LPP: variants seen among roughly 807,000 people sequenced by gnomAD.
LPP encodes the protein lipoma-preferred partner.
In LPP, 38 loss-of-function variants were observed where a neutral mutation model predicts 60.4. That is an observed-to-expected ratio of 0.63 (90% CI 0.49 to 0.83). LPP has a LOEUF of 0.83. Among genes scored for constraint, LPP ranks in the 40% least tolerant of loss-of-function variants. The pLI is 0.00. For missense variants in LPP, 902 were observed against 783.6 expected (o/e 1.15, Z -1.80); for synonymous variants, 328 against 290.8 (o/e 1.13, Z -1.30).
At chr3:188,604,213 T>C (rs1580324728) in intron 6 of LPP, among the ~76,000 whole-genome samples, 1 of 152,162 alleles carries the variant, frequency 6.6e-6, no homozygotes, top group African/African-American at 2.4e-5. Context: ...GCCTGTTACA[T>C]AGTAGACTTT....
chr3:188,648,266 T>C (rs1384422369), intron 7 of LPP, among the ~76,000 whole-genome samples: 2 of 152,078 alleles, frequency 1.3e-5, no homozygotes, highest in African/African-American at 4.8e-5. Context: ...ATAGGGATGG[T>C]GAATTCTTTT....
intron 7 of LPP, 24 bp from the exon 8 acceptor site, chr3:188,708,243 G>C (rs1401351502): frequency 1.9e-6 from 3 of 1,613,206 alleles, no homozygotes; most frequent in East Asian, 4.5e-5. Context: ...GCAATTAAAG[G>C]ACTGTGTGCT....
intron 3 of LPP, among the ~76,000 whole-genome samples, chr3:188,377,453 A>G (rs114243945): frequency 0.011 from 1,698 of 151,834 alleles, 27 homozygotes; most frequent in African/African-American, 0.037. Flanking sequence ...CATTTCATTC[A>G]TTTTGTCGTC....
At chr3:188,437,526 C>G (rs1047108848) in intron 4 of LPP, among the ~76,000 whole-genome samples, 11 of 152,202 alleles carry the variant, frequency 7.2e-5, no homozygotes, top group Admixed American at 4.6e-4. Context: ...AATTCTGTCT[C>G]TCTAACACAT....
intron 7 of LPP, among the ~76,000 whole-genome samples, chr3:188,636,270 T>C (rs1848731644): frequency 6.6e-6 from 1 of 152,186 alleles, no homozygotes; most frequent in African/African-American, 2.4e-5. Flanking sequence ...GGGAGTTCCC[T>C]TTCCTAACCA....
At chr3:188,618,074 T>C (rs1845181486) in intron 7 of LPP, among the ~76,000 whole-genome samples, 1 of 152,182 alleles carries the variant, frequency 6.6e-6, no homozygotes, top group South Asian at 2.1e-4. Context: ...GCACACACAG[T>C]GTTAGGAAGT....
chr3:188,621,580 A>G (rs1845806627), intron 7 of LPP, among the ~76,000 whole-genome samples: 1 of 152,092 alleles, frequency 6.6e-6, no homozygotes, highest in Non-Finnish European at 1.5e-5. Context: ...ATTTCCAGCT[A>G]TGTTCTTCAT....
intron 2 of LPP, among the ~76,000 whole-genome samples, chr3:188,296,348 G>A (rs1747876167): frequency 6.6e-6 from 1 of 152,172 alleles, no homozygotes; most frequent in Non-Finnish European, 1.5e-5. Context: ...GAATCCCAGA[G>A]GTTGGCCCCG....
In LPP at chr3:188,496,695, A is replaced by C. The variant is rs530082485; in HGVS notation, c.306+11991A>C. Among the ~76,000 whole-genome samples the C allele has an allele frequency of 3.9e-5, 6 of 152,314 alleles. No individual in the cohort carries two copies. The South Asian group carries it at 1.2e-3, about 32-fold the overall frequency. On this transcript the variant is annotated intron_variant, in intron 5 of 11. Transcript: ENST00000617246. ...CCTTTATATTCATTTTTAGTGAAGG[A>C]AACAAAACAGCAGTTGTCACTTTCC...
At chr3:188,590,965 G>T (rs2151090330) in intron 6 of LPP, among the ~76,000 whole-genome samples, 1 of 152,274 alleles carries the variant, frequency 6.6e-6, no homozygotes, top group Middle Eastern at 3.4e-3. Flanking sequence ...ACAAATCTAA[G>T]AAGTGTGTGA....
At chr3:188,825,722 T>TAC (rs1024816487) in intron 9 of LPP, among the ~76,000 whole-genome samples, 1 of 151,992 alleles carries the variant, frequency 6.6e-6, no homozygotes, top group African/African-American at 2.4e-5. Flanking sequence ...GAAAAAGACA[T>TAC]ACACACACAC....
intron 9 of LPP, among the ~76,000 whole-genome samples, chr3:188,806,071 A>G (rs1577677893): frequency 2.0e-5 from 3 of 151,880 alleles, no homozygotes; most frequent in Admixed American, 1.3e-4. Flanking sequence ...GAAGTGTTCT[A>G]TAGTTGTCAA....
At chr3:188,389,808 CAA>C (rs56398215) in intron 3 of LPP, among the ~76,000 whole-genome samples, 2 of 132,078 alleles carry the variant, frequency 1.5e-5, no homozygotes, top group Admixed American at 7.8e-5. Flanking sequence ...GACTCCGTCT[CAA>C]AAAAAAAAAG....
At chr3:188,645,051 G>T (rs1850849277) in intron 7 of LPP, among the ~76,000 whole-genome samples, 1 of 152,150 alleles carries the variant, frequency 6.6e-6, no homozygotes, top group Non-Finnish European at 1.5e-5. Context: ...AAGAGTAAAT[G>T]AGAAATACAT....
At chr3:188,557,854 A>G (rs1829840334) in intron 6 of LPP, among the ~76,000 whole-genome samples, 1 of 152,054 alleles carries the variant, frequency 6.6e-6, no homozygotes, top group South Asian at 2.1e-4. Context: ...AGAAGACACA[A>G]GAGTTGAGAG....
intron 2 of LPP, among the ~76,000 whole-genome samples, chr3:188,320,883 T>C (rs933281828): frequency 6.6e-6 from 1 of 152,134 alleles, no homozygotes; most frequent in Non-Finnish European, 1.5e-5. Flanking sequence ...CACAAAAAGT[T>C]TGAGGGTAAA....
chr3:188,158,035 C>A (rs894030849), intron 1 of LPP, among the ~76,000 whole-genome samples: 1 of 151,882 alleles, frequency 6.6e-6, no homozygotes, highest in African/African-American at 2.4e-5. Flanking sequence ...CGATAGGGGC[C>A]GTTAAGTGGT....
At chr3:188,740,955 T>G (rs577787902) in intron 8 of LPP, among the ~76,000 whole-genome samples, 1 of 152,060 alleles carries the variant, frequency 6.6e-6, no homozygotes, top group African/African-American at 2.4e-5. Flanking sequence ...AATAAGCAAA[T>G]TTGAGGCAAA....
intron 2 of LPP, among the ~76,000 whole-genome samples, chr3:188,329,161 C>T (rs1206845138): frequency 6.6e-6 from 1 of 152,196 alleles, no homozygotes; most frequent in Non-Finnish European, 1.5e-5. Context: ...TTAACAGCCA[C>T]TCATTGAGTC....
Sources: allele counts gnomAD v4.1 joint callset (sites outside exome capture counted in the v4.1 genomes callset), GRCh38; gene constraint gnomAD v4.1.1; transcripts MANE v1.5; gene names NCBI Gene and HGNC (gene_info 2026-07-23, HGNC 2026-07-21).